RALYL: variants seen among roughly 807,000 people sequenced by gnomAD.
RALYL encodes RNA-binding Raly-like protein.
RALYL carries 29 observed loss-of-function variants against 35.1 expected under a neutral mutation model. The observed-to-expected ratio is 0.83, with a 90% CI of 0.61 to 1.13. The LOEUF (loss-of-function observed/expected upper bound fraction) is 1.13. RALYL is among the 50% of genes most tolerant of loss of function. RALYL has a pLI of 0.00. For missense variants in RALYL, 359 were observed against 360.4 expected (o/e 1.00, Z 0.03); for synonymous variants, 120 against 127.6 (o/e 0.94, Z 0.40).
intron 1 of RALYL, among the ~76,000 whole-genome samples, chr8:84,499,297 A>G (rs998349378): frequency 6.6e-6 from 1 of 152,224 alleles, no homozygotes; most frequent in Admixed American, 6.5e-5. Flanking sequence ...TTTTTTAAAC[A>G]TCACCCCCTC....
intron 2 of RALYL, among the ~76,000 whole-genome samples, chr8:84,690,731 T>A (rs1837859903): frequency 6.6e-6 from 1 of 152,084 alleles, no homozygotes; most frequent in Admixed American, 6.6e-5. Context: ...TAACTGTTTC[T>A]CACATGCATA....
chr8:84,601,405 A>G (rs1306571102), intron 2 of RALYL, among the ~76,000 whole-genome samples: 1 of 152,136 alleles, frequency 6.6e-6, no homozygotes, highest in East Asian at 1.9e-4. Flanking sequence ...AGTGGGGCAG[A>G]TGCTGGCCTC....
At chr8:84,275,092 C>A (rs538380872) in intron 1 of RALYL, among the ~76,000 whole-genome samples, 1 of 152,240 alleles carries the variant, frequency 6.6e-6, no homozygotes, top group East Asian at 1.9e-4. Flanking sequence ...AAATCATCTT[C>A]TTTTGGTCTC....
intron 1 of RALYL, among the ~76,000 whole-genome samples, chr8:84,395,705 A>G (rs1861623371): frequency 6.7e-6 from 1 of 149,404 alleles, no homozygotes; most frequent in Non-Finnish European, 1.5e-5. Flanking sequence ...AGAGTCTAAT[A>G]ACAGAGAACA....
chr8:84,534,088 G>T (rs897352091), intron 2 of RALYL, among the ~76,000 whole-genome samples: 1 of 152,228 alleles, frequency 6.6e-6, no homozygotes, highest in Non-Finnish European at 1.5e-5. Flanking sequence ...TGGGCTACAA[G>T]TTTCTACCTC....
intron 1 of RALYL, among the ~76,000 whole-genome samples, chr8:84,277,474 A>C: frequency 6.6e-6 from 1 of 152,120 alleles, no homozygotes; most frequent in East Asian, 1.9e-4. Flanking sequence ...CAAATCTTAT[A>C]TCCTCACATT....
chr8:84,631,335 A>T (rs905792749), intron 2 of RALYL, among the ~76,000 whole-genome samples: 1 of 151,960 alleles, frequency 6.6e-6, no homozygotes, highest in Non-Finnish European at 1.5e-5. Flanking sequence ...TTGTGGGTTC[A>T]TATTTGAGTT....
intron 1 of RALYL, among the ~76,000 whole-genome samples, chr8:84,216,987 A>T (rs1274635695): frequency 6.6e-6 from 1 of 152,140 alleles, no homozygotes; most frequent in Non-Finnish European, 1.5e-5. Flanking sequence ...GAACTAGCTT[A>T]CATCTATATG....
chr8:84,367,318 A>ATTTGTTTTTGTTTTTTTTT (rs756622990), intron 1 of RALYL, among the ~76,000 whole-genome samples: 6 of 27,400 alleles, frequency 2.2e-4, no homozygotes, highest in Admixed American at 1.0e-3. Flanking sequence ...TAATTTTTGT[A>ATTTGTTTTTGTTTTTTTTT]TTTTTTTTTT....
intron 8 of RALYL, among the ~76,000 whole-genome samples, chr8:84,916,776 T>A (rs1484460555): frequency 2.0e-5 from 3 of 152,124 alleles, no homozygotes; most frequent in Non-Finnish European, 4.4e-5. Flanking sequence ...GTTCTAATTA[T>A]AATTTATGTT....
At chr8:84,782,037 A>G (rs1239887201) in intron 3 of RALYL, among the ~76,000 whole-genome samples, 30 of 144,418 alleles carry the variant, frequency 2.1e-4, no homozygotes, top group African/African-American at 7.7e-4. Context: ...GCGCGCACAC[A>G]CACACACACA....
intron 1 of RALYL, among the ~76,000 whole-genome samples, chr8:84,392,439 CAA>C (rs796345781): frequency 7.0e-5 from 10 of 143,866 alleles, no homozygotes; most frequent in African/African-American, 2.0e-4. Context: ...GAGTGAAAAA[CAA>C]AAAAAAAAAT....
chr8:84,751,217 C>CA (rs1554568985), intron 2 of RALYL, among the ~76,000 whole-genome samples: 1 of 150,676 alleles, frequency 6.6e-6, no homozygotes. Context: ...CTGGTTTATG[C>CA]TTTTTTTTTA....
intron 1 of RALYL, among the ~76,000 whole-genome samples, chr8:84,270,513 C>T (rs1414273305): frequency 6.6e-6 from 1 of 151,530 alleles, no homozygotes; most frequent in Non-Finnish European, 1.5e-5. Flanking sequence ...CATGAGGAAA[C>T]TTCTGGCTTG....
intron 1 of RALYL, among the ~76,000 whole-genome samples, chr8:84,527,729 C>T (rs566048327): frequency 3.5e-4 from 53 of 152,218 alleles, no homozygotes; most frequent in African/African-American, 1.2e-3. Flanking sequence ...TTCAACTCTA[C>T]TTTGAATAAT....
At chr8:84,902,453 C>A (rs1035577835) in intron 8 of RALYL, among the ~76,000 whole-genome samples, 19 of 152,192 alleles carry the variant, frequency 1.2e-4, no homozygotes. Context: ...TACAATTCAA[C>A]ATGAGATTTG....
At chr8:84,284,241 A>ATGTCT (rs1554602747) in intron 1 of RALYL, among the ~76,000 whole-genome samples, 8 of 152,138 alleles carry the variant, frequency 5.3e-5, no homozygotes, top group East Asian at 1.9e-4. Context: ...AGGTGTGAAA[A>ATGTCT]TATTTAGTAA....
chr8:84,892,632 C>A (rs12543832), intron 8 of RALYL, among the ~76,000 whole-genome samples: 67,605 of 146,546 alleles, frequency 0.46, 18,327 homozygotes, highest in African/African-American at 0.75. Context: ...AAAAAACCAA[C>A]ATGGCACATG....
chr8:84,884,013 T>C (rs1473642209), intron 7 of RALYL, among the ~76,000 whole-genome samples: 4 of 152,058 alleles, frequency 2.6e-5, no homozygotes, highest in African/African-American at 9.7e-5. Flanking sequence ...ATAGGACTAG[T>C]AATTAGCAGA....
Sources: gnomAD v4.1 joint callset for allele counts (sites outside exome capture counted in the v4.1 genomes callset) on GRCh38, gnomAD v4.1.1 for gene constraint, MANE v1.5 for transcripts, NCBI Gene and HGNC (gene_info 2026-07-23, HGNC 2026-07-21) for gene names.